The following GPHN variants were observed in gnomAD, a reference collection of about 807,000 sequenced individuals.
GPHN encodes the protein gephyrin.
In GPHN, 17 loss-of-function variants were observed where a neutral mutation model predicts 95.5. That is an observed-to-expected ratio of 0.18 (90% CI 0.12 to 0.27). The LOEUF (loss-of-function observed/expected upper bound fraction) is 0.27, where lower values mean the gene tolerates loss of function less well. Ranked by LOEUF, GPHN falls within the 10% of genes least tolerant of loss-of-function variation. The pLI, the probability that GPHN is intolerant of heterozygous loss-of-function variation, is 1.00. For missense variants in GPHN, 660 were observed against 978.1 expected, an observed-to-expected ratio of 0.67 and a Z score of 4.34; for synonymous variants, 320 against 322.5, an observed-to-expected ratio of 0.99 and a Z score of 0.08.
At chr14:66,928,237 C>T (rs1439851333) in intron 8 of GPHN, among the ~76,000 whole-genome samples, 1 of 152,022 alleles carries the variant, frequency 6.6e-6, no homozygotes, top group Non-Finnish European at 1.5e-5. Context: ...TTTTGGATTT[C>T]TTCATGGTTC....
At chr14:67,031,174 T>C (rs1044764544) in intron 10 of GPHN, among the ~76,000 whole-genome samples, 1 of 152,150 alleles carries the variant, frequency 6.6e-6, no homozygotes, top group Non-Finnish European at 1.5e-5. Context: ...CTTTTCAGTC[T>C]TATACCCCTT....
In GPHN at chr14:66,789,707, A is replaced by C. The variant is rs112881179; in HGVS notation, c.201+13186A>C. 1.5e-3 allele frequency among the ~76,000 whole-genome samples: 232 copies of C among 152,358 alleles called. 1 individual carries two copies. The highest frequency in any genetic ancestry group is 5.5e-3 in the African/African-American group (230 of 41,588). On this transcript the variant is annotated intron_variant, in intron 3 of 22. Transcript: ENST00000478722. Reference sequence around the variant, plus strand: ...ATGATTTTACTGTGCATTTCATTGCAAAGCAATCTGAAGCCAATCAGCCCA... The same window carrying C: ...ATGATTTTACTGTGCATTTCATTGCCAAGCAATCTGAAGCCAATCAGCCCA...
chr14:67,380,614 T>C, the GPHN span: 1 of 1,097,582 alleles, frequency 9.1e-7, no homozygotes, highest in Non-Finnish European at 1.3e-6. Context: ...CATTTATCAG[T>C]AATATAACCT....
intron 9 of GPHN, among the ~76,000 whole-genome samples, chr14:66,984,131 A>G (rs557295660): frequency 6.6e-6 from 1 of 152,324 alleles, no homozygotes; most frequent in East Asian, 1.9e-4. Context: ...GAAAATTTTC[A>G]GAAAGCCTCA....
the GPHN span, chr14:67,650,526 C>T: frequency 1.3e-5 from 8 of 607,014 alleles, no homozygotes; most frequent in Non-Finnish European, 2.1e-5. Context: ...TACTATAGCA[C>T]AACAGTGTTT....
chr14:66,775,294 T>C (rs577776275), intron 2 of GPHN, among the ~76,000 whole-genome samples: 3 of 152,254 alleles, frequency 2.0e-5, no homozygotes, highest in African/African-American at 7.2e-5. Flanking sequence ...GGTATACTTA[T>C]AAGTGCAGAT....
intron 1 of GPHN, among the ~76,000 whole-genome samples, chr14:66,520,372 C>A (rs998860770): frequency 1.3e-5 from 2 of 152,076 alleles, no homozygotes; most frequent in Non-Finnish European, 2.9e-5. Flanking sequence ...GAATATACTT[C>A]TTGAGTTACA....
At chr14:66,860,909 A>T (rs1358254195) in intron 4 of GPHN, among the ~76,000 whole-genome samples, 1 of 152,130 alleles carries the variant, frequency 6.6e-6, no homozygotes, top group Non-Finnish European at 1.5e-5. Context: ...AAAGCAAGAA[A>T]TTAAAACATA....
At chr14:67,536,153 C>A in the GPHN span, among the ~76,000 whole-genome samples, 1 of 151,984 alleles carries the variant, frequency 6.6e-6, no homozygotes, top group African/African-American at 2.4e-5. Flanking sequence ...GAGGTTCCTG[C>A]GGCCTAGGAC....
chr14:67,582,343 T>G, the GPHN span: 3 of 1,477,912 alleles, frequency 2.0e-6, no homozygotes, highest in Non-Finnish European at 2.8e-6. This position sits in a 1 kb window ranked among gnomAD's most constrained non-coding sequence, Gnocchi z 5.0. Flanking sequence ...ATCTCTGGGA[T>G]GGAAAGCAGC....
chr14:66,656,868 T>C (rs1489105836), intron 1 of GPHN, among the ~76,000 whole-genome samples: 1 of 152,114 alleles, frequency 6.6e-6, no homozygotes. Context: ...AATACTGAAA[T>C]TAGGCCAAAT....
chr14:66,729,778 G>A (rs946258827), intron 2 of GPHN, among the ~76,000 whole-genome samples: 3 of 152,282 alleles, frequency 2.0e-5, no homozygotes, highest in South Asian at 2.1e-4. Context: ...GGTGGAATAC[G>A]TTGAAAATAA....
the GPHN span, among the ~76,000 whole-genome samples, chr14:67,434,019 TG>T: frequency 6.6e-6 from 1 of 152,118 alleles, no homozygotes; most frequent in African/African-American, 2.4e-5. Context: ...AACACAAAAA[TG>T]AAAGCCACAG....
chr14:67,374,607 AT>A, the GPHN span: 1 of 1,167,880 alleles, frequency 8.6e-7, no homozygotes, highest in African/African-American at 1.5e-5. Flanking sequence ...ATAATTTGAA[AT>A]CTTAATTTCA....
chr14:66,531,776 G>A (rs1157015350), intron 1 of GPHN, among the ~76,000 whole-genome samples: 2 of 152,188 alleles, frequency 1.3e-5, no homozygotes, highest in Non-Finnish European at 2.9e-5. Flanking sequence ...AGTATGATTA[G>A]TTGATTGTAA....
At chr14:66,922,528 A>T in intron 6 of GPHN, 138 bp from the exon 7 acceptor site, 4 of 663,858 alleles carry the variant, frequency 6.0e-6, no homozygotes, top group South Asian at 5.7e-5. Context: ...TTGCTAAGAC[A>T]ATGTTTTACA....
chr14:66,677,048 A>T (rs1446764377), intron 1 of GPHN, among the ~76,000 whole-genome samples: 1 of 151,984 alleles, frequency 6.6e-6, no homozygotes, highest in African/African-American at 2.4e-5. Flanking sequence ...TATCCATTTA[A>T]TATAAGTTTT....
intron 3 of GPHN, among the ~76,000 whole-genome samples, chr14:66,807,333 A>G (rs937124158): frequency 7.2e-5 from 11 of 152,226 alleles, no homozygotes; most frequent in Non-Finnish European, 1.2e-4. Context: ...CATCCTCATA[A>G]CAAACATATG....
intron 1 of GPHN, among the ~76,000 whole-genome samples, chr14:66,558,897 C>T (rs891082204): frequency 2.0e-5 from 3 of 150,006 alleles, no homozygotes; most frequent in African/African-American, 4.9e-5. Context: ...CTCCCCCAAC[C>T]CCACAACAGT....
Sources: gnomAD v4.1 joint callset for allele counts (sites outside exome capture counted in the v4.1 genomes callset) on GRCh38, gnomAD v4.1.1 for gene constraint, Gnocchi (gnomAD v3.1) non-coding constraint, MANE v1.5 for transcripts, NCBI Gene and HGNC (gene_info 2026-07-23, HGNC 2026-07-21) for gene names.